Variants in TUSC3 observed in about 807,000 individuals in gnomAD.
TUSC3 encodes dolichyl-diphosphooligosaccharide--protein glycosyltransferase subunit TUSC3.
In TUSC3, 45 loss-of-function variants were observed where a neutral mutation model predicts 44.8. The ratio of observed to expected loss-of-function variants is 1.00; its 90% CI spans 0.79 to 1.29. The LOEUF is 1.29. Ranked by LOEUF, TUSC3 falls within the 50% of genes most tolerant of loss-of-function variation. TUSC3 has a pLI of 0.00. For missense variants in TUSC3, 519 were observed against 437.9 expected (o/e 1.19, Z -1.65); for synonymous variants, 212 against 152.9 (o/e 1.39, Z -2.85).
the TUSC3 span, among the ~76,000 whole-genome samples, chr8:15,809,538 A>G: frequency 1.4e-3 from 212 of 152,260 alleles, no homozygotes; most frequent in Non-Finnish European, 1.9e-3. Context: ...AGTCCTATAT[A>G]TGTTGTTTTT....
intron 1 of TUSC3, among the ~76,000 whole-genome samples, chr8:15,478,076 G>A (rs1053756010): frequency 2.6e-5 from 4 of 151,998 alleles, no homozygotes; most frequent in Admixed American, 6.6e-5. Context: ...TCCTGCCTCA[G>A]CCTCTTGATT....
At chr8:15,591,734 A>G (rs941849601) in intron 1 of TUSC3, among the ~76,000 whole-genome samples, 1 of 152,142 alleles carries the variant, frequency 6.6e-6, no homozygotes, top group Non-Finnish European at 1.5e-5. Flanking sequence ...GGGGAGGAAT[A>G]TTCTAGTTAT....
At chr8:15,772,513 A>G in the TUSC3 span, among the ~76,000 whole-genome samples, 1 of 152,226 alleles carries the variant, frequency 6.6e-6, no homozygotes, top group Non-Finnish European at 1.5e-5. Flanking sequence ...AAGAGATTGA[A>G]CTGGTTATTA....
intron 1 of TUSC3, among the ~76,000 whole-genome samples, chr8:15,448,199 A>AG (rs1202013405): frequency 6.7e-6 from 1 of 149,874 alleles, no homozygotes; most frequent in Non-Finnish European, 1.5e-5. Flanking sequence ...GCTCACTGCA[A>AG]CCTCTGCCTC....
At chr8:15,570,551 A>G (rs1373877945) in intron 1 of TUSC3, among the ~76,000 whole-genome samples, 1 of 152,202 alleles carries the variant, frequency 6.6e-6, no homozygotes, top group African/African-American at 2.4e-5. Flanking sequence ...AGCGGATGCT[A>G]CGATTTATAT....
chr8:15,613,338 T>A (rs757748016), intron 1 of TUSC3, among the ~76,000 whole-genome samples: 3 of 152,114 alleles, frequency 2.0e-5, no homozygotes, highest in Non-Finnish European at 4.4e-5. Context: ...AAATTCCCAC[T>A]GCAGATAATT....
chr8:15,543,391 A>T (rs896002185), intron 1 of TUSC3, among the ~76,000 whole-genome samples: 3 of 152,192 alleles, frequency 2.0e-5, no homozygotes, highest in Admixed American at 1.3e-4. Context: ...TTTAGTAGTT[A>T]TGACAGTAAT....
At chr8:15,813,941 G>A in the TUSC3 span, among the ~76,000 whole-genome samples, 338 of 152,314 alleles carry the variant, frequency 2.2e-3, 1 homozygote, top group African/African-American at 7.3e-3. Flanking sequence ...CATTGAGCAA[G>A]TCACTTAACC....
chr8:15,437,138 C>T (rs754273275), intron 1 of TUSC3, among the ~76,000 whole-genome samples: 1 of 152,046 alleles, frequency 6.6e-6, no homozygotes, highest in Non-Finnish European at 1.5e-5. Context: ...TCTGTTTCCC[C>T]TAAAATATAA....
intron 1 of TUSC3, among the ~76,000 whole-genome samples, chr8:15,444,892 C>T (rs1189682902): frequency 1.3e-5 from 2 of 152,136 alleles, no homozygotes; most frequent in Non-Finnish European, 2.9e-5. Context: ...ATGTCAAAGT[C>T]CCGGCAAACT....
chr8:15,717,536 C>G (rs886719490), intron 6 of TUSC3, among the ~76,000 whole-genome samples: 1 of 152,062 alleles, frequency 6.6e-6, no homozygotes, highest in African/African-American at 2.4e-5. Flanking sequence ...CTATTAATTT[C>G]CTTGTCACAC....
In TUSC3 at chr8:15,463,945, T is replaced by G. The variant is rs552201282; in HGVS notation, n.92-19441T>G. 1.4e-4 allele frequency among the ~76,000 whole-genome samples: 22 copies of G among 152,322 alleles called. 1 individual carries two copies. The highest frequency in any genetic ancestry group is 5.0e-4 in the African/African-American group (21 of 41,588). ...ATCATTAGTGCGCTTGCACATTTCT[T>G]TAGCAGCATTCCTTGACTACAGTTT... is the stretch of plus-strand genomic sequence containing the variant. On this transcript the variant is annotated intron_variant and non_coding_transcript_variant, in intron 1 of 5. Transcript: ENST00000503191.
intron 2 of TUSC3, among the ~76,000 whole-genome samples, chr8:15,511,862 C>T (rs1801140426): frequency 7.9e-6 from 1 of 125,976 alleles, no homozygotes; most frequent in Non-Finnish European, 1.9e-5. Context: ...CAGAGCAAGA[C>T]AGTCTCAAAA....
At chr8:15,608,558 T>C (rs1478324572) in intron 1 of TUSC3, among the ~76,000 whole-genome samples, 1 of 152,132 alleles carries the variant, frequency 6.6e-6, no homozygotes, top group African/African-American at 2.4e-5. Flanking sequence ...CTCATCTTCA[T>C]TTGTAATTCC....
At chr8:15,799,530 T>C in the TUSC3 span, among the ~76,000 whole-genome samples, 1 of 152,216 alleles carries the variant, frequency 6.6e-6, no homozygotes. Flanking sequence ...TGCTTCCTGG[T>C]ATTGTCAGCT....
chr8:15,645,854 A>G (rs539428676), intron 2 of TUSC3, among the ~76,000 whole-genome samples: 1 of 152,246 alleles, frequency 6.6e-6, no homozygotes, highest in East Asian at 1.9e-4. Flanking sequence ...CTGCCTTAAA[A>G]GAGACATTAT....
At chr8:15,783,398 A>G in the TUSC3 span, among the ~76,000 whole-genome samples, 1 of 152,220 alleles carries the variant, frequency 6.6e-6, no homozygotes, top group Non-Finnish European at 1.5e-5. Flanking sequence ...GGAAGCACAG[A>G]AAATCCTAAA....
rs546268658 is a variant in TUSC3 at position 15,525,131 on chromosome 8, G to C, written n.189+41648G>C. On this transcript the variant is annotated intron_variant and non_coding_transcript_variant, in intron 2 of 5. Coordinates refer to the TUSC3 transcript ENST00000503191. ...GGAGACCATTAACCAGAAACAAAGA[G>C]ATTTCACAACTTTTCCTATACTCCC... Among the ~76,000 whole-genome samples, 20 of 152,300 alleles carry C rather than the reference G, an allele frequency of 1.3e-4. No individual in the cohort carries two copies. The South Asian group carries it at 3.3e-3, about 25-fold the overall frequency.
chr8:15,429,448 T>A (rs1343279929), intron 1 of TUSC3, among the ~76,000 whole-genome samples: 1 of 150,484 alleles, frequency 6.6e-6, no homozygotes, highest in African/African-American at 2.5e-5. Flanking sequence ...GACTTGGCAA[T>A]GCGGGCTCTT....
Sources: gnomAD v4.1 joint callset for allele counts (sites outside exome capture counted in the v4.1 genomes callset) on GRCh38, gnomAD v4.1.1 for gene constraint, MANE v1.5 for transcripts, NCBI Gene and HGNC (gene_info 2026-07-23, HGNC 2026-07-21) for gene names.